The following FBLN2 variants were observed in gnomAD, a reference collection of about 807,000 sequenced individuals.
FBLN2 encodes the protein fibulin-2.
Under a neutral mutation model 123.7 loss-of-function variants are expected in FBLN2, and 81 were observed. That is an observed-to-expected ratio of 0.65 (90% CI 0.55 to 0.79). The LOEUF is 0.79. Among genes scored for constraint, FBLN2 ranks in the 30% least tolerant of loss-of-function variants. The pLI, the probability that FBLN2 is intolerant of heterozygous loss-of-function variation, is 0.00. For synonymous variants in FBLN2, 699 were observed against 701.4 expected (o/e 1.00, Z 0.05); for missense variants, 1,603 against 1,681.3 (o/e 0.95, Z 0.81).
Position 13,563,333 on chromosome 3 carries a change from T to G in FBLN2, c.-41-6982T>G, listed in dbSNP as rs1484188445. ...GCCACAGGTGCTGGCTGCTGATGGCTCACACCTGTGCCTTCTCCAGCTGCC... is the reference window on the plus strand; with the variant it reads ...GCCACAGGTGCTGGCTGCTGATGGCGCACACCTGTGCCTTCTCCAGCTGCC... On this transcript the variant is annotated intron_variant, in intron 1 of 17. Coordinates refer to ENST00000404922, the MANE Select transcript of FBLN2 (RefSeq NM_001004019.2). Among the ~76,000 whole-genome samples, 4 of 152,236 alleles carry G rather than the reference T, an allele frequency of 2.6e-5. No homozygotes were observed. In the East Asian group the frequency reaches 7.7e-4, roughly 29 times the overall value.
intron 16 of FBLN2, among the ~76,000 whole-genome samples, chr3:13,632,321 G>T (rs1409086153): frequency 6.6e-6 from 1 of 152,206 alleles, no homozygotes; most frequent in Non-Finnish European, 1.5e-5. Flanking sequence ...GACTTCAGTG[G>T]CCAGGTCTTC....
At chr3:13,625,565 C>T (rs1344403346) in intron 9 of FBLN2, among the ~76,000 whole-genome samples, 1 of 152,008 alleles carries the variant, frequency 6.6e-6, no homozygotes, top group East Asian at 1.9e-4. Context: ...CACCTCACAG[C>T]CGGCCCTCAC....
In FBLN2 at chr3:13,570,991, G is replaced by C. The variant is rs368996190; in HGVS notation, c.636G>C (p.Leu212=). 5.0e-6 allele frequency: 8 copies of C among 1,606,912 alleles called. No individual in the cohort carries two copies. The African/African-American group carries it at 5.3e-5, about 11-fold the overall frequency. ...EVAEVEAATA[L]GGEVQAGAVQ... ...CCGAGGTGGAAGCAGCAACAGCCCT[G>C]GGGGGTGAGGTCCAGGCGGGTGCAG... Residue 212 remains leucine (L), a synonymous_variant, in exon 2 of 18, where the codon CTG becomes CTC. Transcript: ENST00000404922.
In FBLN2 at chr3:13,609,589, G is replaced by A; in HGVS notation, c.1495G>A (p.Gly499Ser). 6.4e-7 allele frequency: 1 copy of A among 1,566,672 alleles called. No homozygotes were observed. The change falls in exon 4 of 18, where the codon GGT becomes AGT. Residue 499 changes from glycine to serine, a missense_variant. Gly to Ser is a moderately conservative substitution (Grantham distance 56). Coordinates refer to ENST00000404922, the MANE Select transcript of FBLN2 (RefSeq NM_001004019.2). ...GGCCGGCGTCCTGGGAGCCAAGGAG[G>A]GTGAGACCTGTGGGGCTGAGGACAA... Reference protein sequence around the residue: ...CMAGVLGAKEGETCGAEDNDS... With the variant: ...CMAGVLGAKESETCGAEDNDS...
intron 2 of FBLN2, among the ~76,000 whole-genome samples, chr3:13,595,564 G>A (rs557889653): frequency 5.3e-5 from 8 of 152,120 alleles, no homozygotes; most frequent in African/African-American, 1.7e-4. Flanking sequence ...CAAGGCTGGC[G>A]GGAACATCAG....
At chr3:13,553,832 T>G (rs1174335070) in intron 1 of FBLN2, among the ~76,000 whole-genome samples, 3 of 152,218 alleles carry the variant, frequency 2.0e-5, no homozygotes, top group Non-Finnish European at 2.9e-5. Context: ...GGAGCACCCA[T>G]GTGCTCAGGC....
intron 2 of FBLN2, among the ~76,000 whole-genome samples, chr3:13,592,407 G>C (rs1334495258): frequency 1.3e-5 from 2 of 152,168 alleles, no homozygotes; most frequent in East Asian, 3.8e-4. Context: ...TAGCCTTGTA[G>C]TAATTTTTAA....
chr3:13,599,172 G>A (rs1419038035), intron 2 of FBLN2, among the ~76,000 whole-genome samples: 2 of 152,192 alleles, frequency 1.3e-5, no homozygotes, highest in Non-Finnish European at 2.9e-5. Flanking sequence ...TGGAAGGCCA[G>A]GGCATTGTGA....
At chr3:13,630,925 A>G in intron 15 of FBLN2, 110 bp downstream of exon 15, 2 of 837,844 alleles carry the variant, frequency 2.4e-6, no homozygotes, top group Non-Finnish European at 3.8e-6. Flanking sequence ...TTTTAGCATC[A>G]GATCTGAGTT....
chr3:13,628,058 G>C, intron 11 of FBLN2, 89 bp downstream of exon 11: 3 of 1,479,148 alleles, frequency 2.0e-6, no homozygotes, highest in Non-Finnish European at 2.7e-6. Context: ...AGACCAGGGA[G>C]GCCTGGCTTG....
intron 2 of FBLN2, among the ~76,000 whole-genome samples, chr3:13,581,762 CCT>C (rs1704340225): frequency 6.6e-6 from 1 of 152,174 alleles, no homozygotes; most frequent in African/African-American, 2.4e-5. Flanking sequence ...TCACGTGCCT[CCT>C]CTCATTTAGT....
intron 3 of FBLN2, among the ~76,000 whole-genome samples, 176 bp downstream of exon 3, chr3:13,608,349 G>A (rs867070995): frequency 1.3e-5 from 2 of 152,254 alleles, no homozygotes; most frequent in East Asian, 1.9e-4. Context: ...TTCTCCAGGG[G>A]TGGAAAGTCC....
At chr3:13,564,839 C>T (rs976334543) in intron 1 of FBLN2, among the ~76,000 whole-genome samples, 10 of 152,224 alleles carry the variant, frequency 6.6e-5, no homozygotes, top group African/African-American at 2.2e-4. Flanking sequence ...GTTAATTTAT[C>T]AAAGGAGGCA....
rs955430002 is a variant in FBLN2 at position 13,609,547 on chromosome 3, C to G, written c.1453C>G (p.Gln485Glu). ...AQRHCCVSYL[Q>E]EKSCMAGVLG... ...GAGGCACTGCTGTGTCTCCTACTTG[C>G]AGGAGAAGAGCTGCATGGCCGGCGT... Residue 485 changes from glutamine to glutamate, a missense_variant, in exon 4 of 18, where the codon CAG (glutamine) becomes GAG (glutamate). Transcript: ENST00000404922. 6 of 1,552,168 alleles carry G rather than the reference C, an allele frequency of 3.9e-6. No individual in the cohort carries two copies. The African/African-American group carries it at 6.8e-5, about 18-fold the overall frequency.
At chr3:13,574,224 G>A (rs1010200963) in intron 2 of FBLN2, among the ~76,000 whole-genome samples, 19 of 152,224 alleles carry the variant, frequency 1.2e-4, no homozygotes, top group Non-Finnish European at 2.1e-4. Context: ...CAGAACCTGC[G>A]TGTGTGAGGC....
chr3:13,606,599 C>T (rs1044476319), intron 2 of FBLN2, among the ~76,000 whole-genome samples: 1 of 152,188 alleles, frequency 6.6e-6, no homozygotes, highest in Non-Finnish European at 1.5e-5. Context: ...GGAAGCCTTA[C>T]TGATAGCACA....
chr3:13,625,041 T>C (rs1705986359), intron 9 of FBLN2, among the ~76,000 whole-genome samples: 1 of 149,598 alleles, frequency 6.7e-6, no homozygotes, highest in Non-Finnish European at 1.5e-5. Context: ...AGTTTCTGAG[T>C]TGGTGGCCTC....
chr3:13,556,627 A>C (rs1335968426), intron 1 of FBLN2, among the ~76,000 whole-genome samples: 1 of 152,204 alleles, frequency 6.6e-6, no homozygotes, highest in African/African-American at 2.4e-5. Flanking sequence ...ACCCCAAGGC[A>C]GGGTGTGGTG....
intron 17 of FBLN2, among the ~76,000 whole-genome samples, chr3:13,637,141 G>A (rs1328990427): frequency 6.6e-6 from 1 of 152,178 alleles, no homozygotes; most frequent in African/African-American, 2.4e-5. Context: ...CCGCTACTCT[G>A]CCACCAGCCA....
Sources: gnomAD v4.1 joint callset for allele counts (sites outside exome capture counted in the v4.1 genomes callset) on GRCh38, gnomAD v4.1.1 for gene constraint, MANE v1.5 for transcripts, NCBI Gene and HGNC (gene_info 2026-07-23, HGNC 2026-07-21) for gene names.